Variants in MRTFB observed in about 807,000 individuals in gnomAD.
MRTFB encodes the protein myocardin-related transcription factor B.
In MRTFB, 29 loss-of-function variants were observed where a neutral mutation model predicts 104.2. The observed-to-expected ratio is 0.28, with a 90% confidence interval of 0.21 to 0.38. The LOEUF is 0.38. MRTFB is among the 10% of genes least tolerant of loss of function. The pLI is 1.00. For missense variants in MRTFB, 1,270 were observed against 1,341.6 expected (o/e 0.95, Z 0.83); for synonymous variants, 535 against 519.5 (o/e 1.03, Z -0.41).
intron 2 of MRTFB, among the ~76,000 whole-genome samples, chr16:14,130,744 A>G (rs1473170082): frequency 6.6e-6 from 1 of 152,148 alleles, no homozygotes; most frequent in Non-Finnish European, 1.5e-5. Flanking sequence ...AGACTGGGTA[A>G]TTTATAAAGG....
At chr16:14,188,886 T>C (rs966762540) in intron 3 of MRTFB, among the ~76,000 whole-genome samples, 3 of 152,218 alleles carry the variant, frequency 2.0e-5, no homozygotes, top group African/African-American at 7.2e-5. Flanking sequence ...AAAATAGAAG[T>C]GTTATATATC....
chr16:14,075,506 G>T (rs1302458852), intron 1 of MRTFB, among the ~76,000 whole-genome samples: 1 of 152,226 alleles, frequency 6.6e-6, no homozygotes, highest in African/African-American at 2.4e-5. Flanking sequence ...ACTTGAGTAT[G>T]TATTAAAAGG....
chr16:14,166,719 T>G (rs2039256368), intron 3 of MRTFB, among the ~76,000 whole-genome samples: 1 of 151,874 alleles, frequency 6.6e-6, no homozygotes, highest in African/African-American at 2.4e-5. Context: ...GTCCATGTAT[T>G]GTCATTGTTC....
At chr16:14,187,104 G>A (rs1389487480) in intron 3 of MRTFB, 2 of 1,302,854 alleles carry the variant, frequency 1.5e-6, no homozygotes, top group Non-Finnish European at 2.1e-6. Context: ...GAGCGTGTCT[G>A]TCTGTTACCA....
the MRTFB span, among the ~76,000 whole-genome samples, chr16:14,047,998 T>C: frequency 6.6e-6 from 1 of 152,222 alleles, no homozygotes; most frequent in Admixed American, 6.5e-5. Flanking sequence ...CTTCTGCCTA[T>C]GAGCCTGTAA....
chr16:14,017,250 G>T, the MRTFB span, among the ~76,000 whole-genome samples: 1 of 151,798 alleles, frequency 6.6e-6, no homozygotes, highest in East Asian at 2.0e-4. Flanking sequence ...TAGAGACGGG[G>T]TTTCACCATG....
chr16:14,196,005 T>G (rs1465438194), intron 3 of MRTFB, among the ~76,000 whole-genome samples: 2 of 152,248 alleles, frequency 1.3e-5, no homozygotes, highest in Admixed American at 6.5e-5. Context: ...TATGTACATC[T>G]GTCGCAGGCT....
Position 14,245,519 on chromosome 16 carries a change from C to T in MRTFB, c.1080-9C>T, listed in dbSNP as rs781002560. ...TATTATAAACTCTAATTTTTGTTTT[C>T]TTTTGAAGGCCACTCAATGACAAAA... On this transcript the variant is annotated splice_polypyrimidine_tract_variant and intron_variant, in intron 10 of 16. Coordinates refer to ENST00000571589, the MANE Select transcript of MRTFB (RefSeq NM_001308142.2). 2 of 1,596,042 alleles carry T rather than the reference C, an allele frequency of 1.3e-6. No individual in the cohort carries two copies. The highest frequency in any genetic ancestry group is 1.4e-5 in the African/African-American group (1 of 73,842).
chr16:13,997,737 G>A, the MRTFB span, among the ~76,000 whole-genome samples: 4 of 140,930 alleles, frequency 2.8e-5, no homozygotes, highest in African/African-American at 1.1e-4. Flanking sequence ...AGGTTGCAGT[G>A]AGTCATGTTT....
intron 1 of MRTFB, among the ~76,000 whole-genome samples, chr16:14,072,729 A>T (rs2033789257): frequency 6.6e-6 from 1 of 152,188 alleles, no homozygotes; most frequent in Non-Finnish European, 1.5e-5. Context: ...AAAAACACCT[A>T]GGTTGGCATA....
At chr16:14,064,571 T>C in the MRTFB span, among the ~76,000 whole-genome samples, 1 of 152,234 alleles carries the variant, frequency 6.6e-6, no homozygotes, top group African/African-American at 2.4e-5. Context: ...TCCTAGGTTT[T>C]CTTCAAAAGT....
At chr16:14,205,247 C>T (rs1181708247) in intron 3 of MRTFB, among the ~76,000 whole-genome samples, 3 of 152,020 alleles carry the variant, frequency 2.0e-5, no homozygotes, top group Admixed American at 2.0e-4. Flanking sequence ...TATTTGGCTC[C>T]TATCATGTGT....
chr16:14,193,470 G>C (rs11646338), intron 3 of MRTFB, among the ~76,000 whole-genome samples: 2 of 152,048 alleles, frequency 1.3e-5, no homozygotes, highest in Non-Finnish European at 2.9e-5. Flanking sequence ...TTTCACTTCA[G>C]ATGTCGCCTT....
intron 10 of MRTFB, 23 bp downstream of exon 10, chr16:14,240,507 C>G (rs1026007374): frequency 3.1e-6 from 5 of 1,614,086 alleles, no homozygotes; most frequent in Non-Finnish European, 4.2e-6. Flanking sequence ...CCATGCTATC[C>G]TCAACGCGGG....
the MRTFB span, among the ~76,000 whole-genome samples, chr16:14,038,159 G>C: frequency 6.6e-6 from 1 of 152,074 alleles, no homozygotes; most frequent in East Asian, 1.9e-4. Context: ...CTCTGTCCTT[G>C]GTAGTAGACG....
chr16:14,046,950 C>T, the MRTFB span, among the ~76,000 whole-genome samples: 1 of 152,308 alleles, frequency 6.6e-6, no homozygotes, highest in East Asian at 1.9e-4. Flanking sequence ...GTGATGATCC[C>T]TATTTACATG....
chr16:14,046,184 G>A, the MRTFB span, among the ~76,000 whole-genome samples: 13 of 152,100 alleles, frequency 8.5e-5, no homozygotes, highest in Non-Finnish European at 7.3e-5. Context: ...AATGAGGCCG[G>A]GTGTGGTGGT....
the MRTFB span, among the ~76,000 whole-genome samples, chr16:14,012,644 C>A: frequency 6.6e-6 from 1 of 152,118 alleles, no homozygotes. Flanking sequence ...CAGGACAACT[C>A]TGAGAAGCAG....
chr16:14,245,581 C>T lies in MRTFB; in HGVS notation c.1133C>T (p.Thr378Ile), dbSNP rs1337999634. Residue 378 changes from threonine (T) to isoleucine (I), a missense_variant, in exon 11 of 17, where the codon ACA becomes ATA. Thr to Ile is a moderately conservative substitution (Grantham distance 89, BLOSUM62 -1). Coordinates refer to ENST00000571589, the MANE Select transcript of MRTFB (RefSeq NM_001308142.2). ...GGGAATTCAGCTTTGAACAATGCCA[C>T]ACCTAACACACCAAGACAGAATACA... ...NSGNSALNNA[T>I]PNTPRQNTST... The T allele has an allele frequency of 6.2e-7, 1 of 1,614,048 alleles. No individual in the cohort carries two copies. Among genetic ancestry groups the T allele is most frequent in the South Asian group, 1.1e-5 (1 of 91,060 alleles).
Sources: gnomAD v4.1 joint callset for allele counts (sites outside exome capture counted in the v4.1 genomes callset) on GRCh38, gnomAD v4.1.1 for gene constraint, MANE v1.5 for transcripts, NCBI Gene and HGNC (gene_info 2026-07-23, HGNC 2026-07-21) for gene names.